C16orf78: variants seen among roughly 807,000 people sequenced by gnomAD.
C16orf78 encodes the protein chromosome 16 open reading frame 78.
C16orf78 carries 19 observed loss-of-function variants against 27.3 expected under a neutral mutation model. The observed-to-expected ratio is 0.70, with a 90% CI of 0.49 to 1.02. The LOEUF (loss-of-function observed/expected upper bound fraction) is 1.02. C16orf78 is among the 50% of genes least tolerant of loss of function. The pLI is 0.00. For missense variants in C16orf78, 339 were observed against 337.0 expected (o/e 1.01, Z -0.05); for synonymous variants, 130 against 116.1 (o/e 1.12, Z -0.77).
At chr16:49,386,543 G>T (rs898531702) in intron 3 of C16orf78, among the ~76,000 whole-genome samples, 1 of 152,090 alleles carries the variant, frequency 6.6e-6, no homozygotes, top group African/African-American at 2.4e-5. Context: ...TCATCACCCA[G>T]GTGTTGTTAA....
chr16:49,396,110 C>G (rs1011298850), intron 3 of C16orf78, among the ~76,000 whole-genome samples: 2 of 152,056 alleles, frequency 1.3e-5, no homozygotes, highest in Admixed American at 6.5e-5. Flanking sequence ...GGAGTGGAGG[C>G]ATGTGCCTAT....
chr16:49,385,603 C>T (rs1427046501), intron 3 of C16orf78, among the ~76,000 whole-genome samples: 4 of 149,328 alleles, frequency 2.7e-5, no homozygotes, highest in African/African-American at 2.5e-5. Context: ...TGCAGTGAGC[C>T]GAGATCATGC....
In C16orf78 at chr16:49,398,583, T is replaced by C. The variant is rs111930579; in HGVS notation, c.651-548T>C. 7.0e-4 allele frequency among the ~76,000 whole-genome samples: 107 copies of C among 152,374 alleles called. 1 individual carries two copies. Among genetic ancestry groups the C allele is most frequent in the Middle Eastern group, 3.4e-3 (1 of 294 alleles). ...GGCCCATGACCTCTCTCAGTGTATG[T>C]GCGCATGACAGTGACAAATCACGTA... On this transcript the variant is annotated intron_variant, in intron 4 of 4. Transcript: ENST00000299191.
At chr16:49,382,597 T>C (rs1380672285) in intron 3 of C16orf78, among the ~76,000 whole-genome samples, 1 of 152,114 alleles carries the variant, frequency 6.6e-6, no homozygotes, top group African/African-American at 2.4e-5. Context: ...CCCTGATATT[T>C]TTCTCAACTC....
intron 3 of C16orf78, among the ~76,000 whole-genome samples, chr16:49,385,142 T>C (rs1047161273): frequency 6.6e-6 from 1 of 152,186 alleles, no homozygotes; most frequent in Non-Finnish European, 1.5e-5. Context: ...TTTCAAATTT[T>C]CTAATATGGT....
chr16:49,376,573 C>T (rs74018756), intron 1 of C16orf78, among the ~76,000 whole-genome samples: 1 of 152,202 alleles, frequency 6.6e-6, no homozygotes, highest in South Asian at 2.1e-4. Context: ...CTAAAGCTAA[C>T]CAGCGTTACC....
Position 49,377,717 on chromosome 16 carries a change from C to A in C16orf78, c.151-14C>A. ...CAGCAGTGGCTGCAGGGCTCTCTTC[C>A]CTTGTCTTTTCAGAAGCAAAAGCCC... is the stretch of plus-strand genomic sequence containing the variant. On this transcript the variant is annotated splice_polypyrimidine_tract_variant and intron_variant, in intron 1 of 4. Coordinates refer to ENST00000299191, the MANE Select transcript of C16orf78 (RefSeq NM_144602.4). 6.2e-7 allele frequency: 1 copy of A among 1,600,502 alleles called. No individual in the cohort carries two copies.
At chr16:49,391,420 C>T (rs1965411389) in intron 3 of C16orf78, among the ~76,000 whole-genome samples, 1 of 152,192 alleles carries the variant, frequency 6.6e-6, no homozygotes, top group Admixed American at 6.5e-5. Context: ...GTGTCCCAAA[C>T]ATGGCTCACT....
rs1416073667 is a variant in C16orf78, at chr16:49,396,513, A to G, written c.485A>G (p.Gln162Arg). The change falls in exon 4 of 5, where the codon CAG (glutamine) becomes CGG (arginine). Residue 162 changes from glutamine to arginine, a missense_variant. Physicochemically the swap from Gln to Arg is conservative, Grantham distance 43. Transcript: ENST00000299191. ...RQSIVLDPML[Q>R]EGTFNSQRAT... ...AGCATTGTCTTAGATCCCATGTTACAGGAGGGTACCTTTAACAGCCAGAGG... is the reference window on the plus strand; with the variant it reads ...AGCATTGTCTTAGATCCCATGTTACGGGAGGGTACCTTTAACAGCCAGAGG... 2 of 1,614,190 alleles carry G rather than the reference A, an allele frequency of 1.2e-6. No individual in the cohort carries two copies. Among genetic ancestry groups the G allele is most frequent in the East Asian group, 2.2e-5 (1 of 44,880 alleles).
rs200543250 is a variant in C16orf78, at chr16:49,399,209, C to A, written c.729C>A (p.His243Gln). The A allele has an allele frequency of 2.5e-6, 4 of 1,614,104 alleles. No individual in the cohort carries two copies. The Admixed American group carries it at 6.7e-5, about 27-fold the overall frequency. Residue 243 changes from histidine (H) to glutamine (Q), a missense_variant, in exon 5 of 5, where the codon CAC becomes CAA. Transcript: ENST00000299191. ...ATGCAGGAATGAATGTGGATATCCA[C>A]CCCCACATGGTCGAAGAGGACATAG... Reference protein sequence around the residue: ...CKDAGMNVDIHPHMVEEDIDA... With the variant: ...CKDAGMNVDIQPHMVEEDIDA...
rs1167772207 is a variant in C16orf78, at chr16:49,399,314, G to T, written c.*36G>T. The T allele has an allele frequency of 1.9e-6, 3 of 1,609,358 alleles. No individual in the cohort carries two copies. Among genetic ancestry groups the T allele is most frequent in the Non-Finnish European group, 2.5e-6 (3 of 1,177,424 alleles). ...TCGCCACCACCTTCAGGCTCCTTCT[G>T]TCATGGGACCCTTCACCTCCAGATG... is the stretch of plus-strand genomic sequence containing the variant. On this transcript the variant is annotated 3_prime_UTR_variant, in exon 5 of 5. Coordinates refer to ENST00000299191, the MANE Select transcript of C16orf78 (RefSeq NM_144602.4).
intron 4 of C16orf78, 30 bp downstream of exon 4, chr16:49,396,708 G>A (rs1965480199): frequency 1.3e-6 from 2 of 1,595,784 alleles, no homozygotes; most frequent in African/African-American, 1.3e-5. Flanking sequence ...GGGCAGATGG[G>A]GTGGGGTCCT....
At chr16:49,377,654 G>A (rs1965236039) in intron 1 of C16orf78, 77 bp from the exon 2 acceptor site, 2 of 1,536,126 alleles carry the variant, frequency 1.3e-6, no homozygotes, top group African/African-American at 1.4e-5. Context: ...TCACCTGGGA[G>A]CCTTCTCCTT....
At chr16:49,380,454 A>G (rs1965272730) in intron 3 of C16orf78, among the ~76,000 whole-genome samples, 1 of 152,172 alleles carries the variant, frequency 6.6e-6, no homozygotes. Flanking sequence ...CTACCAGTGT[A>G]ATGTCTGGCT....
rs1184769232 is a variant in C16orf78 at position 49,378,555 on chromosome 16, TCC to T, written c.358_359del (p.Pro120TrpfsTer12). The T allele has an allele frequency of 6.2e-7, 1 of 1,613,774 alleles. No individual in the cohort carries two copies. The highest frequency in any genetic ancestry group is 1.7e-5 in the Admixed American group (1 of 59,982). On this transcript the variant is annotated frameshift_variant, in exon 3 of 5. Transcript: ENST00000299191. LOFTEE classifies it high-confidence loss of function. Reference sequence around the variant, plus strand: ...CAAAAGGGGAAACACCTCAGCATGGTCCCTGGCAGCTACATCAAGGATGGCCC... The same window carrying T: ...CAAAAGGGGAAACACCTCAGCATGGTCTGGCAGCTACATCAAGGATGGCCC...
intron 3 of C16orf78, among the ~76,000 whole-genome samples, chr16:49,381,621 C>T (rs1471520208): frequency 2.0e-5 from 3 of 151,756 alleles, no homozygotes; most frequent in Non-Finnish European, 2.9e-5. Flanking sequence ...ACAGACACTT[C>T]TCAAAAGAAG....
In C16orf78 at chr16:49,399,172, A is replaced by G; in HGVS notation, c.692A>G (p.Lys231Arg). Residue 231 changes from lysine to arginine, a missense_variant, in exon 5 of 5, where the codon AAG (lysine) becomes AGG (arginine). Transcript: ENST00000299191. ...AAGGAGAACATTCGGACCTTGCTCAAGTTGTGCAAGGATGCAGGAATGAAT... is the reference window on the plus strand; with the variant it reads ...AAGGAGAACATTCGGACCTTGCTCAGGTTGTGCAAGGATGCAGGAATGAAT... ...LSKENIRTLL[K>R]LCKDAGMNVD... The G allele has an allele frequency of 6.2e-7, 1 of 1,614,184 alleles. No individual in the cohort carries two copies.
Position 49,374,056 on chromosome 16 carries a change from G to T in C16orf78, c.117G>T (p.Glu39Asp). 6.2e-7 allele frequency: 1 copy of T among 1,614,188 alleles called. No individual in the cohort carries two copies. The stretch of plus-strand genomic sequence containing the variant: ...TCACCTGTGTGCTGGAGTGGCTGGA[G>T]CGGAGGCAGGGGAAGAAGAAACAAG... ...SDLTCVLEWL[E>D]RRQGKKKQAP... Residue 39 changes from glutamate (E) to aspartate (D), a missense_variant, in exon 1 of 5, where the codon GAG (glutamate) becomes GAT (aspartate). Glu to Asp is a conservative substitution (Grantham distance 45, BLOSUM62 2). Transcript: ENST00000299191.
rs200087714 is a variant in C16orf78, at chr16:49,375,341, TA to T, written c.150+1261del. Among the ~76,000 whole-genome samples the T allele has an allele frequency of 2.9e-3, 432 of 150,898 alleles. 2 individuals are homozygous for T. The highest frequency in any genetic ancestry group is 9.1e-3 in the African/African-American group (374 of 41,072). ...CTGGGTCATTTATTTAAAAAAAAAATAAAAAAAAATGTTTAATTGGCTCATG... is the reference window on the plus strand; with the variant it reads ...CTGGGTCATTTATTTAAAAAAAAAATAAAAAAAATGTTTAATTGGCTCATG... On this transcript the variant is annotated intron_variant, in intron 1 of 4. Transcript: ENST00000299191.
Sources: gnomAD v4.1 joint callset for allele counts (sites outside exome capture counted in the v4.1 genomes callset) on GRCh38, gnomAD v4.1.1 for gene constraint, MANE v1.5 for transcripts, NCBI Gene and HGNC (gene_info 2026-07-23, HGNC 2026-07-21) for gene names.